Variants in DSCAML1 observed in about 807,000 individuals in gnomAD.
DSCAML1 encodes the protein cell adhesion molecule DSCAML1.
Under a neutral mutation model 200.5 loss-of-function variants are expected in DSCAML1, and 38 were observed. That is an observed-to-expected ratio of 0.19 (90% CI 0.15 to 0.25). DSCAML1 has a LOEUF of 0.25. Among genes scored for constraint, DSCAML1 ranks in the 10% least tolerant of loss-of-function variants. The pLI is 1.00. For synonymous variants in DSCAML1, 1,215 were observed against 1,165.0 expected, an observed-to-expected ratio of 1.04 and a Z score of -0.87; for missense variants, 2,223 against 2,858.8, an observed-to-expected ratio of 0.78 and a Z score of 5.07.
At chr11:117,594,828 C>T (rs764943462) in intron 3 of DSCAML1, among the ~76,000 whole-genome samples, 6 of 152,154 alleles carry the variant, frequency 3.9e-5, no homozygotes, top group Non-Finnish European at 7.3e-5. Flanking sequence ...GTGTTCCTCC[C>T]CTCTACCCCA....
At chr11:117,799,285 C>T (rs572716358), upstream of DSCAML1, among the ~76,000 whole-genome samples, 3 of 152,188 alleles carry the variant, frequency 2.0e-5, no homozygotes, top group Non-Finnish European at 2.9e-5. Flanking sequence ...TAAAATAAAC[C>T]GCTAAGGCAG....
At chr11:117,450,452 C>T (rs2048263127) in intron 20 of DSCAML1, 97 bp downstream of exon 20, 2 of 1,490,136 alleles carry the variant, frequency 1.3e-6, no homozygotes, top group South Asian at 1.3e-5. Context: ...AGCTCAGATA[C>T]AGGCAGCCTC....
chr11:117,525,128 G>A, intron 4 of DSCAML1, 45 bp from the exon 5 acceptor site: 1 of 1,483,598 alleles, frequency 6.7e-7, no homozygotes, highest in Non-Finnish European at 8.9e-7. Flanking sequence ...CCCTGGGTGG[G>A]ATGAAGTGGC....
intron 3 of DSCAML1, among the ~76,000 whole-genome samples, chr11:117,580,252 AC>A (rs567834260): frequency 8.5e-4 from 130 of 152,272 alleles, no homozygotes; most frequent in African/African-American, 3.1e-3. Flanking sequence ...GCCTCCAAAG[AC>A]CCTTTCATTC....
intron 32 of DSCAML1, among the ~76,000 whole-genome samples, chr11:117,430,165 C>T (rs2047756645): frequency 6.6e-6 from 1 of 152,230 alleles, no homozygotes; most frequent in Admixed American, 6.5e-5. Flanking sequence ...GGCATATGCT[C>T]CGGCCAGGCC....
rs112627201 is a variant in DSCAML1 at position 117,499,906 on chromosome 11, T to C, written c.2359+3939A>G. The stretch of plus-strand genomic sequence containing the variant: ...CAAGAACTAGCTTGGGAATTCCGAC[T>C]CCCATCCAGACCCTCGGACTCCTGG... On this transcript the variant is annotated intron_variant, in intron 11 of 32. Transcript: ENST00000651296. Among the ~76,000 whole-genome samples, 385 of 152,344 alleles carry C rather than the reference T, an allele frequency of 2.5e-3. 1 individual carries two copies. The highest frequency in any genetic ancestry group is 6.8e-3 in the Middle Eastern group (2 of 294).
intron 14 of DSCAML1, 132 bp from the exon 15 acceptor site, chr11:117,472,168 G>T: frequency 1.0e-6 from 1 of 976,176 alleles, no homozygotes; most frequent in Non-Finnish European, 1.5e-6. Context: ...TGCAGAGAGG[G>T]CACAGGCCTG....
At chr11:117,800,294 C>T (rs2055645449), upstream of DSCAML1, among the ~76,000 whole-genome samples, 1 of 152,176 alleles carries the variant, frequency 6.6e-6, no homozygotes, top group South Asian at 2.1e-4. Flanking sequence ...GCGTGTTCTA[C>T]CCCACGCCCA....
intron 3 of DSCAML1, among the ~76,000 whole-genome samples, chr11:117,648,826 A>T (rs1477955125): frequency 3.9e-5 from 6 of 152,118 alleles, no homozygotes; most frequent in Non-Finnish European, 5.9e-5. Flanking sequence ...TAGGAGGTAA[A>T]ATCTCTGCAA....
chr11:117,530,624 C>T (rs2050060518), intron 4 of DSCAML1, among the ~76,000 whole-genome samples: 1 of 152,186 alleles, frequency 6.6e-6, no homozygotes, highest in South Asian at 2.1e-4. Context: ...AGGGGTGAAT[C>T]GGGAGCCGGG....
At chr11:117,589,464 C>T (rs2137480126) in intron 3 of DSCAML1, among the ~76,000 whole-genome samples, 1 of 152,198 alleles carries the variant, frequency 6.6e-6, no homozygotes, top group Admixed American at 6.5e-5. Context: ...TTGCAGTAGG[C>T]AAATTAATTC....
At chr11:117,726,923 AC>A (rs901991825) in intron 3 of DSCAML1, among the ~76,000 whole-genome samples, 5 of 152,198 alleles carry the variant, frequency 3.3e-5, no homozygotes, top group African/African-American at 1.2e-4. Flanking sequence ...GACATATTGT[AC>A]CCCAGGCAGC....
intron 8 of DSCAML1, among the ~76,000 whole-genome samples, chr11:117,506,355 T>C (rs762833860): frequency 6.6e-6 from 1 of 152,008 alleles, no homozygotes; most frequent in East Asian, 1.9e-4. Flanking sequence ...ACCAATAATG[T>C]CCCCATTTTA....
chr11:117,606,936 T>A (rs1199682314), intron 3 of DSCAML1, among the ~76,000 whole-genome samples: 1 of 152,164 alleles, frequency 6.6e-6, no homozygotes, highest in Non-Finnish European at 1.5e-5. Flanking sequence ...ACTGGTTGAG[T>A]CAGCCAATAC....
At chr11:117,456,671 CTTT>C (rs10661996) in intron 19 of DSCAML1, among the ~76,000 whole-genome samples, 1 of 142,138 alleles carries the variant, frequency 7.0e-6, no homozygotes, top group Non-Finnish European at 1.5e-5. Context: ...GCAGTCATTT[CTTT>C]TTTTTTTTTT....
At chr11:117,711,761 G>A (rs1362093396) in intron 3 of DSCAML1, among the ~76,000 whole-genome samples, 1 of 152,102 alleles carries the variant, frequency 6.6e-6, no homozygotes, top group African/African-American at 2.4e-5. Context: ...CCACAATGAA[G>A]CCACTTCTCC....
At chr11:117,776,122 G>C (rs2055125359) in intron 3 of DSCAML1, among the ~76,000 whole-genome samples, 1 of 152,182 alleles carries the variant, frequency 6.6e-6, no homozygotes, top group African/African-American at 2.4e-5. Context: ...TTCTATACCT[G>C]TTTTCCTGTG....
chr11:117,649,608 T>G lies in DSCAML1; in HGVS notation c.512-117086A>C, dbSNP rs373500722. On this transcript the variant is annotated intron_variant, in intron 3 of 32. Transcript: ENST00000651296. Reference sequence around the variant, plus strand: ...ACTGTGACCCCACCACTCTTCTTCATTGATCTCCCTGCTCTGGGCTCGTCC... The same window carrying G: ...ACTGTGACCCCACCACTCTTCTTCAGTGATCTCCCTGCTCTGGGCTCGTCC... Among the ~76,000 whole-genome samples the G allele has an allele frequency of 1.6e-4, 24 of 152,296 alleles. No homozygotes were observed. In the East Asian group the frequency reaches 1.7e-3, roughly 11 times the overall value.
At chr11:117,663,369 C>A (rs571288204) in intron 3 of DSCAML1, among the ~76,000 whole-genome samples, 1 of 152,252 alleles carries the variant, frequency 6.6e-6, no homozygotes, top group South Asian at 2.1e-4. Context: ...CCCAGCCTGG[C>A]GCCCAGGACT....
Sources: allele counts gnomAD v4.1 joint callset (sites outside exome capture counted in the v4.1 genomes callset), GRCh38; gene constraint gnomAD v4.1.1; transcripts MANE v1.5; gene names NCBI Gene and HGNC (gene_info 2026-07-23, HGNC 2026-07-21).